Variants in SASH1 observed in about 807,000 individuals in gnomAD.
The protein encoded by SASH1 is SAM and SH3 domain containing 1.
In SASH1, 44 loss-of-function variants were observed where a neutral mutation model predicts 125.2. The ratio of observed to expected loss-of-function variants is 0.35; its 90% CI spans 0.28 to 0.45. The LOEUF is 0.45. Among genes scored for constraint, SASH1 ranks in the 20% least tolerant of loss-of-function variants. The pLI, the probability that SASH1 is intolerant of heterozygous loss-of-function variation, is 1.00. For synonymous variants in SASH1, 639 were observed against 649.1 expected (o/e 0.98, Z 0.24); for missense variants, 1,426 against 1,614.5 (o/e 0.88, Z 2.00).
chr6:148,275,848 C>T (rs1049953549), intron 1 of SASH1, among the ~76,000 whole-genome samples: 5 of 152,058 alleles, frequency 3.3e-5, no homozygotes, highest in Non-Finnish European at 5.9e-5. Flanking sequence ...TAGCCTCCCA[C>T]GTAGCAGGGA....
chr6:148,287,694 TG>T (rs71546203), intron 1 of SASH1, among the ~76,000 whole-genome samples: 2 of 132,226 alleles, frequency 1.5e-5, no homozygotes, highest in African/African-American at 5.8e-5. Context: ...TGCGTGTGTG[TG>T]GGGGGGTGGG....
the SASH1 span, among the ~76,000 whole-genome samples, chr6:148,203,708 G>A: frequency 7.9e-5 from 12 of 152,154 alleles, no homozygotes; most frequent in African/African-American, 2.4e-4. Flanking sequence ...TGCAGAGCAC[G>A]AGGATGAGTT....
intron 1 of SASH1, among the ~76,000 whole-genome samples, chr6:148,309,152 G>A (rs1010655285): frequency 2.0e-5 from 3 of 151,290 alleles, no homozygotes; most frequent in Admixed American, 1.3e-4. Flanking sequence ...GGTGCTTGTA[G>A]TTATGCTGCC....
intron 9 of SASH1, among the ~76,000 whole-genome samples, chr6:148,517,303 C>T (rs1751915647): frequency 6.6e-6 from 1 of 152,176 alleles, no homozygotes; most frequent in African/African-American, 2.4e-5. Flanking sequence ...GCAGAGCATA[C>T]CCCTGAGTTC....
intron 1 of SASH1, among the ~76,000 whole-genome samples, chr6:148,351,302 A>G (rs189023074): frequency 2.8e-4 from 43 of 151,794 alleles, no homozygotes; most frequent in African/African-American, 1.0e-3. Context: ...TGATTGGTGA[A>G]AACGGAAATA....
chr6:148,515,963 T>C (rs1279893925), intron 9 of SASH1, among the ~76,000 whole-genome samples: 1 of 152,166 alleles, frequency 6.6e-6, no homozygotes, highest in African/African-American at 2.4e-5. Context: ...CCTTCACACA[T>C]GATAGTGGTG....
At chr6:148,415,993 C>T (rs1014246797) in intron 2 of SASH1, among the ~76,000 whole-genome samples, 3 of 152,188 alleles carry the variant, frequency 2.0e-5, no homozygotes, top group Non-Finnish European at 4.4e-5. Context: ...TAAAGGAGAT[C>T]CCACACTTCA....
intron 10 of SASH1, among the ~76,000 whole-genome samples, chr6:148,523,407 T>C (rs1780929705): frequency 6.6e-6 from 1 of 152,188 alleles, no homozygotes; most frequent in Non-Finnish European, 1.5e-5. Flanking sequence ...CCCAGTTAGG[T>C]GATTTGGTGA....
chr6:148,431,399 A>G (rs1453169342), intron 2 of SASH1, among the ~76,000 whole-genome samples: 1 of 151,904 alleles, frequency 6.6e-6, no homozygotes, highest in Non-Finnish European at 1.5e-5. Flanking sequence ...GGGTTTCACC[A>G]TGTTGGCCAG....
At chr6:148,299,939 T>C (rs1430298626) in intron 1 of SASH1, among the ~76,000 whole-genome samples, 2 of 152,164 alleles carry the variant, frequency 1.3e-5, no homozygotes, top group Admixed American at 6.6e-5. Context: ...GTTGTCAAGA[T>C]GCTGGGGAGG....
intron 8 of SASH1, among the ~76,000 whole-genome samples, chr6:148,491,316 C>G (rs1295858884): frequency 6.6e-6 from 1 of 152,206 alleles, no homozygotes; most frequent in Non-Finnish European, 1.5e-5. Flanking sequence ...GTCGCTCAGG[C>G]TGGAGTGCAG....
At chr6:148,467,923 C>G (rs117127331) in intron 4 of SASH1, among the ~76,000 whole-genome samples, 5 of 152,052 alleles carry the variant, frequency 3.3e-5, no homozygotes, top group Non-Finnish European at 7.4e-5. Context: ...GACTACAGAG[C>G]AAGACTGTCT....
intron 2 of SASH1, among the ~76,000 whole-genome samples, chr6:148,434,038 A>G (rs1377478966): frequency 6.7e-6 from 1 of 150,252 alleles, no homozygotes; most frequent in African/African-American, 2.4e-5. Context: ...TATGTAGATA[A>G]TTTAAAAACA....
chr6:148,386,831 T>G (rs1783387273), intron 1 of SASH1, among the ~76,000 whole-genome samples: 2 of 152,162 alleles, frequency 1.3e-5, no homozygotes, highest in South Asian at 4.1e-4. Flanking sequence ...CTCCTTTGTC[T>G]TTGTCAATAT....
At chr6:148,219,150 A>T in the SASH1 span, among the ~76,000 whole-genome samples, 1 of 152,148 alleles carries the variant, frequency 6.6e-6, no homozygotes, top group Non-Finnish European at 1.5e-5. Flanking sequence ...GGAATCAAAC[A>T]GCCTGGCCAC....
Position 148,544,145 on chromosome 6 carries a change from T to C in SASH1, c.2675T>C (p.Leu892Ser), listed in dbSNP as rs1462502517. The C allele has an allele frequency of 6.2e-7, 1 of 1,613,984 alleles. No individual in the cohort carries two copies. Among genetic ancestry groups the C allele is most frequent in the Non-Finnish European group, 8.5e-7 (1 of 1,180,018 alleles). The change falls in exon 18 of 20, where the codon TTG becomes TCG. Residue 892 changes from leucine to serine, a missense_variant. Coordinates refer to ENST00000367467, the MANE Select transcript of SASH1 (RefSeq NM_015278.5). The surrounding 1 kb of genome is among the most constrained non-coding windows in gnomAD (Gnocchi z 6.4). ...LEQDSAVDNALLLTQSKRFSE... is the reference protein window; with the variant it reads ...LEQDSAVDNASLLTQSKRFSE... ...CAAGACTCTGCTGTCGACAATGCATTGCTACTGACCCAAAGCAAGAGATTT... is the reference window on the plus strand; with the variant it reads ...CAAGACTCTGCTGTCGACAATGCATCGCTACTGACCCAAAGCAAGAGATTT...
upstream of SASH1, among the ~76,000 whole-genome samples, chr6:148,341,317 G>GTTTTTTT (rs1179914037): frequency 2.5e-5 from 3 of 120,214 alleles, no homozygotes; most frequent in African/African-American, 6.3e-5. Context: ...GCTATGTTTT[G>GTTTTTTT]TTTTTTTTTT....
intron 6 of SASH1, among the ~76,000 whole-genome samples, chr6:148,472,193 C>G (rs1002316690): frequency 2.6e-5 from 4 of 152,128 alleles, no homozygotes. Context: ...AAAAGTTTTC[C>G]TTGATCACCA....
chr6:148,239,391 C>T, the SASH1 span, among the ~76,000 whole-genome samples: 1 of 152,176 alleles, frequency 6.6e-6, no homozygotes, highest in African/African-American at 2.4e-5. Flanking sequence ...CCCTCCCACA[C>T]GCTCCTAGCA....
Sources: allele counts gnomAD v4.1 joint callset (sites outside exome capture counted in the v4.1 genomes callset), GRCh38; gene constraint gnomAD v4.1.1; non-coding constraint Gnocchi (gnomAD v3.1); transcripts MANE v1.5; gene names NCBI Gene and HGNC (gene_info 2026-07-23, HGNC 2026-07-21).